Variants in CAST observed in about 807,000 individuals in gnomAD.
CAST encodes the protein calpastatin, also known as MIR583 host.
CAST carries 76 observed loss-of-function variants against 119.6 expected under a neutral mutation model. The ratio of observed to expected loss-of-function variants is 0.64; its 90% CI spans 0.53 to 0.77. CAST has a LOEUF of 0.77. Ranked by LOEUF, CAST falls within the 30% of genes least tolerant of loss-of-function variation. The probability of loss-of-function intolerance (pLI) is 0.00; values close to 1 mark genes in which losing one functional copy is unlikely to be tolerated. For synonymous variants in CAST, 319 were observed against 331.6 expected (o/e 0.96, Z 0.41); for missense variants, 953 against 946.5 (o/e 1.01, Z -0.09).
the CAST span, among the ~76,000 whole-genome samples, chr5:96,375,432 G>T: frequency 1.1e-5 from 1 of 90,110 alleles, no homozygotes; most frequent in African/African-American, 3.6e-5. Flanking sequence ...GTGTGTGTGT[G>T]TGTGTTTTTT....
At chr5:96,268,906 A>G in the CAST span, among the ~76,000 whole-genome samples, 1 of 152,154 alleles carries the variant, frequency 6.6e-6, no homozygotes, top group Non-Finnish European at 1.5e-5. Flanking sequence ...TCATGGCAGC[A>G]GTTTCCCCCA....
At chr5:96,750,524 A>G in intron 19 of CAST, 63 bp from the exon 20 acceptor site, 1 of 994,824 alleles carries the variant, frequency 1.0e-6, no homozygotes, top group Non-Finnish European at 1.6e-6. Flanking sequence ...TTGGTCTACC[A>G]TTACTCAGTC....
the CAST span, among the ~76,000 whole-genome samples, chr5:96,424,673 T>C: frequency 0.025 from 3,745 of 152,234 alleles, 150 homozygotes; most frequent in African/African-American, 0.086. Flanking sequence ...CTTAAGATAG[T>C]GGCAAGAGGC....
the CAST span, among the ~76,000 whole-genome samples, chr5:96,036,353 C>T: frequency 6.6e-6 from 1 of 152,086 alleles, no homozygotes; most frequent in Non-Finnish European, 1.5e-5. Flanking sequence ...ATGCAGGCCA[C>T]ACCAGATAAG....
At chr5:96,707,606 C>T (rs1408423485) in intron 3 of CAST, among the ~76,000 whole-genome samples, 1 of 151,986 alleles carries the variant, frequency 6.6e-6, no homozygotes, top group South Asian at 2.1e-4. Context: ...AGGATGGTCT[C>T]GATCTCTTGA....
At position 96,729,501 on chromosome 5, in the gene CAST, G is replaced by A. The variant is rs372672040; in HGVS notation, c.436-111G>A. The A allele has an allele frequency of 5.8e-5, 38 of 651,570 alleles. No homozygotes were observed. The African/African-American group carries it at 6.7e-4, about 12-fold the overall frequency. The allele number at this position is 651,570 out of a possible 1,614,324, so 40.4% of individuals were successfully genotyped here. A position where few individuals can be genotyped will look rare whatever the true frequency, so the allele number is the denominator to read the frequency against. On this transcript the variant is annotated intron_variant, in intron 7 of 31. Transcript: ENST00000675179. ...ATTTAGAACCACAGACAGCACAACT[G>A]TTATGAACAATTTTTATTCTATAGA...
intron 19 of CAST, 108 bp downstream of exon 19, chr5:96,748,721 G>A (rs1764322484): frequency 5.3e-6 from 3 of 563,354 alleles, no homozygotes; most frequent in Admixed American, 6.8e-5. Context: ...AGCCCAATAT[G>A]CCATCGTTTT....
At chr5:96,661,245 C>T (rs1748390631), upstream of CAST, among the ~76,000 whole-genome samples, 1 of 139,576 alleles carries the variant, frequency 7.2e-6, no homozygotes, top group East Asian at 2.1e-4. Flanking sequence ...GGTGAAACCC[C>T]GTCTCTACCA....
chr5:96,535,386 T>TA (rs35159742), intron 1 of CAST, among the ~76,000 whole-genome samples: 91,590 of 151,832 alleles, frequency 0.6, 28,111 homozygotes, highest in East Asian at 0.87. Context: ...AGATAAAATG[T>TA]AAAAAATCAG....
the CAST span, among the ~76,000 whole-genome samples, chr5:96,454,052 A>G: frequency 6.6e-6 from 1 of 152,278 alleles, no homozygotes; most frequent in Non-Finnish European, 1.5e-5. Flanking sequence ...ATATCCGTAG[A>G]TAAAAATTTT....
At chr5:96,211,012 A>AT in the CAST span, among the ~76,000 whole-genome samples, 1 of 151,750 alleles carries the variant, frequency 6.6e-6, no homozygotes, top group South Asian at 2.1e-4. Flanking sequence ...TTGTATGTTC[A>AT]TTTTCTATCC....
At chr5:96,008,472 T>C in the CAST span, among the ~76,000 whole-genome samples, 1 of 152,226 alleles carries the variant, frequency 6.6e-6, no homozygotes, top group East Asian at 1.9e-4. Flanking sequence ...TTTTCTTTTT[T>C]CTGGTAACTA....
At chr5:96,378,464 A>G in the CAST span, among the ~76,000 whole-genome samples, 1 of 152,130 alleles carries the variant, frequency 6.6e-6, no homozygotes, top group Admixed American at 6.6e-5. Flanking sequence ...ACTTAAATAT[A>G]TAGTTTTGAT....
chr5:96,236,670 C>T, the CAST span, among the ~76,000 whole-genome samples: 1 of 152,252 alleles, frequency 6.6e-6, no homozygotes, highest in African/African-American at 2.4e-5. Flanking sequence ...TACTCCTGGC[C>T]CTGTGGTGAT....
chr5:96,529,750 T>C, upstream of CAST: 1 of 426,912 alleles, frequency 2.3e-6, no homozygotes, highest in Non-Finnish European at 4.6e-6. Context: ...GAGTCAGTTC[T>C]CACGAGATAT....
chr5:96,519,872 A>G, the CAST span, among the ~76,000 whole-genome samples: 84,458 of 152,176 alleles, frequency 0.56, 24,232 homozygotes, highest in Middle Eastern at 0.63. Flanking sequence ...CTTCCAAAGT[A>G]CTAGAATTAC....
the CAST span, among the ~76,000 whole-genome samples, chr5:96,367,526 G>C: frequency 6.6e-6 from 1 of 152,240 alleles, no homozygotes; most frequent in South Asian, 2.1e-4. Context: ...AGCAATGGTA[G>C]GCGCCCCTCC....
chr5:96,173,274 T>C, the CAST span, among the ~76,000 whole-genome samples: 5 of 152,234 alleles, frequency 3.3e-5, no homozygotes, highest in Non-Finnish European at 5.9e-5. Flanking sequence ...TAATGTTTCA[T>C]GTAAAGGAGC....
At chr5:96,461,468 C>T in the CAST span, among the ~76,000 whole-genome samples, 1 of 152,014 alleles carries the variant, frequency 6.6e-6, no homozygotes. Context: ...ATTTTTCATT[C>T]GCATCAGGAA....
Sources: gnomAD v4.1 joint callset for allele counts (sites outside exome capture counted in the v4.1 genomes callset) on GRCh38, gnomAD v4.1.1 for gene constraint, MANE v1.5 for transcripts, NCBI Gene and HGNC (gene_info 2026-07-23, HGNC 2026-07-21) for gene names.